Variants in VPS37A observed in about 807,000 individuals in gnomAD.
VPS37A encodes the protein VPS37A subunit of ESCRT-I.
A neutral mutation model predicts 49.8 loss-of-function variants in VPS37A; 30 were observed. The observed-to-expected ratio is 0.60, with a 90% CI of 0.45 to 0.82. VPS37A has a LOEUF of 0.82. Ranked by LOEUF, VPS37A falls within the 40% of genes least tolerant of loss-of-function variation. The pLI, the probability that VPS37A is intolerant of heterozygous loss-of-function variation, is 0.00. For missense variants in VPS37A, 593 were observed against 464.4 expected, an observed-to-expected ratio of 1.28 and a Z score of -2.55; for synonymous variants, 195 against 160.6, an observed-to-expected ratio of 1.21 and a Z score of -1.62.
At chr8:17,291,032 G>A (rs1361886554) in intron 11 of VPS37A, among the ~76,000 whole-genome samples, 2 of 152,058 alleles carry the variant, frequency 1.3e-5, no homozygotes, top group African/African-American at 4.8e-5. Flanking sequence ...TTGTTGTTTT[G>A]TGATGGACTC....
intron 5 of VPS37A, among the ~76,000 whole-genome samples, chr8:17,275,399 C>T (rs995127688): frequency 3.3e-5 from 5 of 152,068 alleles, no homozygotes; most frequent in African/African-American, 7.2e-5. Flanking sequence ...GCCAGAATAA[C>T]AAGGGGATAC....
chr8:17,251,732 G>T (rs1812000537), intron 1 of VPS37A, among the ~76,000 whole-genome samples: 1 of 152,136 alleles, frequency 6.6e-6, no homozygotes, highest in Non-Finnish European at 1.5e-5. Flanking sequence ...ACTGTATTTT[G>T]TTCTTGTCCC....
At chr8:17,268,113 C>T in intron 2 of VPS37A, 145 bp from the exon 3 acceptor site, 1 of 555,980 alleles carries the variant, frequency 1.8e-6, no homozygotes, top group South Asian at 2.7e-5. Flanking sequence ...CAGACAACAC[C>T]ATAATAGAGC....
chr8:17,314,718 ATAT>A, the VPS37A span, among the ~76,000 whole-genome samples: 1 of 152,218 alleles, frequency 6.6e-6, no homozygotes, highest in South Asian at 2.1e-4. Flanking sequence ...TAAGAAAAAC[ATAT>A]TATGAATATG....
intron 1 of VPS37A, among the ~76,000 whole-genome samples, chr8:17,258,212 GCT>G (rs1185048268): frequency 6.6e-6 from 1 of 152,106 alleles, no homozygotes; most frequent in Admixed American, 6.5e-5. Flanking sequence ...AAGTGGGCAT[GCT>G]TGTCTTATTC....
chr8:17,251,318 T>A (rs1811952932), intron 1 of VPS37A, among the ~76,000 whole-genome samples: 1 of 152,206 alleles, frequency 6.6e-6, no homozygotes, highest in Non-Finnish European at 1.5e-5. Flanking sequence ...TTTTGGATAT[T>A]TTTATGTGAG....
intron 4 of VPS37A, among the ~76,000 whole-genome samples, chr8:17,273,443 T>A (rs1467405428): frequency 2.0e-5 from 3 of 152,194 alleles, no homozygotes; most frequent in African/African-American, 7.2e-5. Context: ...CTCGGCTCAC[T>A]GCAAGCTCGG....
intron 1 of VPS37A, among the ~76,000 whole-genome samples, chr8:17,251,107 G>T (rs1371126621): frequency 2.6e-5 from 4 of 152,066 alleles, no homozygotes; most frequent in Admixed American, 6.5e-5. Flanking sequence ...GTGGAGGCTG[G>T]AATCTTTCAA....
chr8:17,315,190 C>T, the VPS37A span, among the ~76,000 whole-genome samples: 3 of 152,096 alleles, frequency 2.0e-5, 1 homozygote, highest in Admixed American at 2.0e-4. Context: ...TGAAAAGACA[C>T]AGAGGGAAGT....
intron 6 of VPS37A, among the ~76,000 whole-genome samples, chr8:17,276,791 C>T (rs1406184961): frequency 6.6e-6 from 1 of 152,036 alleles, no homozygotes; most frequent in Non-Finnish European, 1.5e-5. Flanking sequence ...CAAAATATAT[C>T]TTGGCCTATT....
intron 1 of VPS37A, among the ~76,000 whole-genome samples, chr8:17,265,175 C>G (rs1475479331): frequency 6.6e-6 from 1 of 152,098 alleles, no homozygotes; most frequent in Non-Finnish European, 1.5e-5. Context: ...TGGAAAATGG[C>G]TATTAGAAGT....
At chr8:17,325,022 A>G in the VPS37A span, among the ~76,000 whole-genome samples, 15 of 152,140 alleles carry the variant, frequency 9.9e-5, no homozygotes, top group African/African-American at 3.6e-4. Context: ...CAATATCTAC[A>G]AAGGGCTGAG....
chr8:17,266,488 G>A (rs1329362166), intron 2 of VPS37A, among the ~76,000 whole-genome samples: 1 of 152,112 alleles, frequency 6.6e-6, no homozygotes, highest in African/African-American at 2.4e-5. Flanking sequence ...ACAAAAAGTT[G>A]GACAAAGTGA....
intron 10 of VPS37A, among the ~76,000 whole-genome samples, chr8:17,285,217 T>A (rs928029460): frequency 7.2e-5 from 11 of 152,166 alleles, no homozygotes; most frequent in African/African-American, 2.7e-4. Context: ...ACTTGCTTTT[T>A]CTGAGTATAC....
At chr8:17,267,402 C>G (rs1393650654) in intron 2 of VPS37A, among the ~76,000 whole-genome samples, 1 of 152,102 alleles carries the variant, frequency 6.6e-6, no homozygotes, top group African/African-American at 2.4e-5. Flanking sequence ...AGTAAACTCT[C>G]ATTTTTAAGA....
chr8:17,247,801 A>G, intron 1 of VPS37A: 1 of 701,954 alleles, frequency 1.4e-6, no homozygotes, highest in Admixed American at 2.0e-5. Flanking sequence ...AACTGTTGCA[A>G]CATCAAAGGA....
chr8:17,265,509 C>G (rs1813364892), intron 1 of VPS37A, among the ~76,000 whole-genome samples: 1 of 152,098 alleles, frequency 6.6e-6, no homozygotes. Context: ...CTGTTAAGAC[C>G]CAGACTTCCC....
At chr8:17,280,828 T>G (rs1208403902) in intron 9 of VPS37A, among the ~76,000 whole-genome samples, 2 of 151,802 alleles carry the variant, frequency 1.3e-5, no homozygotes, top group African/African-American at 4.8e-5. Flanking sequence ...ATATGAAAAA[T>G]ATATAGTATT....
At chr8:17,256,083 AT>A (rs909947378) in intron 1 of VPS37A, among the ~76,000 whole-genome samples, 6 of 143,006 alleles carry the variant, frequency 4.2e-5, no homozygotes, top group Non-Finnish European at 7.7e-5. Context: ...TGGCAGTTTC[AT>A]TTTTTTTTTC....
Sources: gnomAD v4.1 joint callset for allele counts (sites outside exome capture counted in the v4.1 genomes callset) on GRCh38, gnomAD v4.1.1 for gene constraint, MANE v1.5 for transcripts, NCBI Gene and HGNC (gene_info 2026-07-23, HGNC 2026-07-21) for gene names.